DLGAP2: variants seen among roughly 807,000 people sequenced by gnomAD.
DLGAP2 encodes the protein disks large-associated protein 2.
In DLGAP2, 26 loss-of-function variants were observed where a neutral mutation model predicts 100.3. The observed-to-expected ratio is 0.26, with a 90% CI of 0.19 to 0.36. DLGAP2 has a LOEUF of 0.36. DLGAP2 is among the 10% of genes least tolerant of loss of function. The pLI is 1.00. For missense variants in DLGAP2, 1,858 were observed against 1,453.2 expected (o/e 1.28, Z -4.53); for synonymous variants, 886 against 630.1 (o/e 1.41, Z -6.08).
chr8:849,968 G>GC (rs1377367728), intron 1 of DLGAP2, among the ~76,000 whole-genome samples: 1 of 151,746 alleles, frequency 6.6e-6, no homozygotes, highest in Non-Finnish European at 1.5e-5. Context: ...GGAGGCTGAG[G>GC]CAGGAGAATT....
At chr8:800,672 ACATGTATGTGTATGTGCATGTGTG>A (rs1420206718) in intron 1 of DLGAP2, among the ~76,000 whole-genome samples, 1 of 152,008 alleles carries the variant, frequency 6.6e-6, no homozygotes, top group Non-Finnish European at 1.5e-5. Context: ...GCATGTGTGT[ACATGTATGTGTATGTGCATGTGTG>A]CATGTGTGTG....
At chr8:1,431,751 CT>C (rs10718977) in intron 3 of DLGAP2, among the ~76,000 whole-genome samples, 32,201 of 152,078 alleles carry the variant, frequency 0.21, 3,791 homozygotes, top group Middle Eastern at 0.29. Flanking sequence ...CTCAGCCTTC[CT>C]TTTCTTTAGT....
At chr8:1,198,161 C>T (rs1490254030) in intron 2 of DLGAP2, among the ~76,000 whole-genome samples, 1 of 152,040 alleles carries the variant, frequency 6.6e-6, no homozygotes, top group African/African-American at 2.4e-5. Flanking sequence ...CACACAGGCC[C>T]TCCGGTGTGG....
At chr8:1,319,675 G>A (rs1375465457) in intron 3 of DLGAP2, among the ~76,000 whole-genome samples, 1 of 152,206 alleles carries the variant, frequency 6.6e-6, no homozygotes, top group Admixed American at 6.5e-5. Flanking sequence ...TCAGTTAAGG[G>A]AAAGCCTCTC....
In DLGAP2 at chr8:1,701,747, A is replaced by G. The variant is rs1349727593; in HGVS notation, c.*341A>G. 9.0e-6 allele frequency: 3 copies of G among 334,050 alleles called. No individual in the cohort carries two copies. The highest frequency in any genetic ancestry group is 1.6e-5 in the Non-Finnish European group (3 of 185,672). 20.7% of individuals were successfully genotyped at this position (334,050 alleles called of 1,614,324 possible). A position where few individuals can be genotyped will look rare whatever the true frequency, so the allele number is the denominator to read the frequency against. On this transcript the variant is annotated 3_prime_UTR_variant, in exon 15 of 15. Coordinates refer to ENST00000637795, the MANE Select transcript of DLGAP2 (RefSeq NM_001346810.2). ...GCTGGAACCCAGCTTACATTTTGTTATTTCTATTTTTATAAATTGTGTGAT... is the reference window on the plus strand; with the variant it reads ...GCTGGAACCCAGCTTACATTTTGTTGTTTCTATTTTTATAAATTGTGTGAT...
chr8:1,506,608 G>C (rs186438382), intron 4 of DLGAP2, among the ~76,000 whole-genome samples: 2 of 152,218 alleles, frequency 1.3e-5, no homozygotes, highest in African/African-American at 2.4e-5. Flanking sequence ...GATCTCAGCA[G>C]GTTGCCAGTG....
intron 2 of DLGAP2, among the ~76,000 whole-genome samples, chr8:1,188,218 A>G (rs1436798254): frequency 3.3e-5 from 4 of 120,440 alleles, no homozygotes; most frequent in South Asian, 2.9e-4. Flanking sequence ...ACGGAATCTC[A>G]CACGCCCGGG....
intron 2 of DLGAP2, among the ~76,000 whole-genome samples, chr8:1,088,514 G>A (rs558349356): frequency 5.9e-5 from 9 of 152,310 alleles, no homozygotes; most frequent in African/African-American, 2.2e-4. Flanking sequence ...ATGCCCTTGA[G>A]ATGGGATAAA....
intron 3 of DLGAP2, among the ~76,000 whole-genome samples, chr8:1,375,200 G>C (rs1213386124): frequency 1.2e-5 from 1 of 86,112 alleles, no homozygotes; most frequent in Non-Finnish European, 2.0e-5. Flanking sequence ...CACGGCCTCA[G>C]AACTGATCCC....
chr8:1,126,227 C>A (rs1796161647), intron 2 of DLGAP2, among the ~76,000 whole-genome samples: 1 of 152,146 alleles, frequency 6.6e-6, no homozygotes, highest in Non-Finnish European at 1.5e-5. Flanking sequence ...AGCCCTGTAC[C>A]CTTTATTCTC....
At chr8:1,287,981 G>C (rs1306000592) in intron 3 of DLGAP2, among the ~76,000 whole-genome samples, 1 of 51,498 alleles carries the variant, frequency 1.9e-5, no homozygotes, top group Non-Finnish European at 3.4e-5. Context: ...ACTAGTTTCG[G>C]TTGAGTGTGT....
At chr8:748,672 G>C (rs905787796) in intron 1 of DLGAP2, among the ~76,000 whole-genome samples, 2 of 152,142 alleles carry the variant, frequency 1.3e-5, no homozygotes, top group Non-Finnish European at 2.9e-5. Flanking sequence ...TTTGCAAATG[G>C]CCTCACTGAG....
intron 3 of DLGAP2, among the ~76,000 whole-genome samples, chr8:1,440,154 T>C (rs981354290): frequency 1.3e-5 from 2 of 152,292 alleles, no homozygotes; most frequent in East Asian, 3.9e-4. Flanking sequence ...AAAGGAAGTC[T>C]GTTAAAGTAA....
chr8:1,536,275 G>A (rs1285285306), intron 4 of DLGAP2, among the ~76,000 whole-genome samples: 1 of 152,158 alleles, frequency 6.6e-6, no homozygotes, highest in Non-Finnish European at 1.5e-5. Flanking sequence ...TCATCTGCCA[G>A]TCATGGGTAG....
intron 4 of DLGAP2, among the ~76,000 whole-genome samples, chr8:1,545,282 G>T (rs1425298650): frequency 6.6e-6 from 1 of 152,024 alleles, no homozygotes; most frequent in African/African-American, 2.4e-5. Context: ...CCACAAGCAC[G>T]GCGTGCACCC....
At chr8:1,412,256 G>C (rs6558467) in intron 3 of DLGAP2, among the ~76,000 whole-genome samples, 98,229 of 152,112 alleles carry the variant, frequency 0.65, 32,594 homozygotes, top group East Asian at 0.94. Context: ...TGCTCTGAGC[G>C]CTAGACTCTG....
At chr8:1,302,670 A>G (rs1471303854) in intron 3 of DLGAP2, 2 of 152,238 alleles carry the variant, frequency 1.3e-5, no homozygotes, top group African/African-American at 4.8e-5. Flanking sequence ...TGAGTCCTCT[A>G]TTTAGTCATC....
intron 4 of DLGAP2, among the ~76,000 whole-genome samples, chr8:1,544,714 G>C (rs532226020): frequency 6.7e-6 from 1 of 149,986 alleles, no homozygotes; most frequent in Admixed American, 6.7e-5. Context: ...TGCTATATTT[G>C]ATTTGCTAGT....
At position 750,277 on chromosome 8, in the gene DLGAP2, G is replaced by C. The variant is rs551805714; in HGVS notation, c.18+12452G>C. Among the ~76,000 whole-genome samples, 26 of 152,364 alleles carry C rather than the reference G, an allele frequency of 1.7e-4. No individual in the cohort carries two copies. In the East Asian group the frequency reaches 4.1e-3, roughly 24 times the overall value. On this transcript the variant is annotated intron_variant, in intron 1 of 14. Transcript: ENST00000637795. Reference sequence around the variant, plus strand: ...GCCGTGCCGCATCCTTGCCACACGAGGGGAGGTCAAGGCGATTGTGCAGAG... The same window carrying C: ...GCCGTGCCGCATCCTTGCCACACGACGGGAGGTCAAGGCGATTGTGCAGAG...
Sources: allele counts gnomAD v4.1 joint callset (sites outside exome capture counted in the v4.1 genomes callset), GRCh38; gene constraint gnomAD v4.1.1; transcripts MANE v1.5; gene names NCBI Gene and HGNC (gene_info 2026-07-23, HGNC 2026-07-21).